IQCJ: variants seen among roughly 807,000 people sequenced by gnomAD.
IQCJ encodes IQ domain-containing protein J.
In IQCJ, 9 loss-of-function variants were observed where a neutral mutation model predicts 11.0. That is an observed-to-expected ratio of 0.82 (90% CI 0.49 to 1.43). The LOEUF (loss-of-function observed/expected upper bound fraction) is 1.43, where lower values mean the gene tolerates loss of function less well. Among genes scored for constraint, IQCJ ranks in the 40% most tolerant of loss-of-function variants. The pLI is 0.00. For missense variants in IQCJ, 146 were observed against 133.2 expected (o/e 1.10, Z -0.47); for synonymous variants, 55 against 51.3 (o/e 1.07, Z -0.31).
At chr3:159,088,909 G>T (rs973471041) in intron 1 of IQCJ, among the ~76,000 whole-genome samples, 1 of 151,992 alleles carries the variant, frequency 6.6e-6, no homozygotes, top group African/African-American at 2.4e-5. Flanking sequence ...GGAGCATTTA[G>T]TCCACTTACA....
chr3:159,120,397 C>T (rs1440175143), intron 1 of IQCJ, among the ~76,000 whole-genome samples: 1 of 152,196 alleles, frequency 6.6e-6, no homozygotes, highest in Non-Finnish European at 1.5e-5. Flanking sequence ...TTTCTTCCTA[C>T]ACAATCAGCT....
chr3:159,193,348 T>C (rs1723797021), intron 1 of IQCJ, among the ~76,000 whole-genome samples: 1 of 152,196 alleles, frequency 6.6e-6, no homozygotes, highest in Non-Finnish European at 1.5e-5. Flanking sequence ...GTACTGGCCT[T>C]GAAAGGTGTT....
intron 1 of IQCJ, among the ~76,000 whole-genome samples, chr3:159,138,686 A>G (rs919306579): frequency 8.5e-5 from 13 of 152,226 alleles, no homozygotes; most frequent in African/African-American, 3.1e-4. Context: ...TTACTGATTG[A>G]GTGAATATGT....
chr3:159,201,724 T>C (rs1239592335), intron 1 of IQCJ, among the ~76,000 whole-genome samples: 1 of 132,882 alleles, frequency 7.5e-6, no homozygotes, highest in Admixed American at 9.4e-5. Flanking sequence ...AAGCTCCGCC[T>C]CCCGGGTTCA....
chr3:159,161,837 C>T (rs375430210), intron 1 of IQCJ, among the ~76,000 whole-genome samples: 3 of 152,122 alleles, frequency 2.0e-5, no homozygotes, highest in African/African-American at 4.8e-5. Context: ...GATCAGATAG[C>T]TGTAGATATG....
intron 1 of IQCJ, among the ~76,000 whole-genome samples, chr3:159,229,029 A>G (rs1176554992): frequency 6.6e-6 from 1 of 152,220 alleles, no homozygotes; most frequent in African/African-American, 2.4e-5. Context: ...TCTAATCCAC[A>G]GTGGTGTTAT....
At chr3:159,195,999 T>C (rs79402920) in intron 1 of IQCJ, among the ~76,000 whole-genome samples, 1 of 152,312 alleles carries the variant, frequency 6.6e-6, no homozygotes, top group African/African-American at 2.4e-5. Context: ...TTCTAAGTTA[T>C]TTTCACACAT....
intron 3 of IQCJ, among the ~76,000 whole-genome samples, chr3:159,253,433 C>T (rs999995736): frequency 6.6e-6 from 1 of 152,022 alleles, no homozygotes. Context: ...AAAATATTAA[C>T]CTTCTAAAAC....
intron 1 of IQCJ, among the ~76,000 whole-genome samples, chr3:159,151,864 A>G (rs866208106): frequency 1.1e-4 from 16 of 152,228 alleles, no homozygotes; most frequent in African/African-American, 3.9e-4. Flanking sequence ...TCAATCTCCC[A>G]ACCTCGTGAT....
intron 1 of IQCJ, among the ~76,000 whole-genome samples, chr3:159,083,730 G>T (rs1473916781): frequency 6.6e-6 from 1 of 152,118 alleles, no homozygotes; most frequent in Non-Finnish European, 1.5e-5. Context: ...ATGTGTGACT[G>T]GTTAGTCAAA....
chr3:159,154,324 A>G (rs1721393997), intron 1 of IQCJ, among the ~76,000 whole-genome samples: 1 of 152,206 alleles, frequency 6.6e-6, no homozygotes, highest in African/African-American at 2.4e-5. Flanking sequence ...GGCCCAATCC[A>G]TGGACCCAAA....
intron 1 of IQCJ, among the ~76,000 whole-genome samples, chr3:159,207,420 A>G (rs1291078067): frequency 6.6e-6 from 1 of 152,228 alleles, no homozygotes; most frequent in African/African-American, 2.4e-5. Context: ...ATGAAAGTTA[A>G]GAGCTATAGC....
intron 1 of IQCJ, among the ~76,000 whole-genome samples, chr3:159,222,231 A>T (rs1374420108): frequency 6.6e-6 from 1 of 152,200 alleles, no homozygotes; most frequent in Admixed American, 6.5e-5. Context: ...AGTAGCCAAG[A>T]TACAGAAACA....
At chr3:159,163,141 T>A (rs1010225018) in intron 1 of IQCJ, among the ~76,000 whole-genome samples, 1 of 152,176 alleles carries the variant, frequency 6.6e-6, no homozygotes, top group African/African-American at 2.4e-5. Flanking sequence ...TTGAGACCAA[T>A]ATCCTTGATG....
At chr3:159,094,527 A>C (rs1447850165) in intron 1 of IQCJ, among the ~76,000 whole-genome samples, 1 of 146,090 alleles carries the variant, frequency 6.8e-6, no homozygotes, top group Non-Finnish European at 1.5e-5. Context: ...AAGTTTTAGG[A>C]GGACAGATAT....
chr3:159,234,135 G>T (rs1356241441), intron 1 of IQCJ, among the ~76,000 whole-genome samples: 2 of 152,094 alleles, frequency 1.3e-5, no homozygotes, highest in Non-Finnish European at 2.9e-5. Context: ...CCTCATTTCT[G>T]CTATAAGACC....
intron 1 of IQCJ, among the ~76,000 whole-genome samples, chr3:159,087,139 T>C (rs917653544): frequency 2.6e-5 from 4 of 152,222 alleles, no homozygotes; most frequent in South Asian, 2.1e-4. Context: ...GGTTGTTGAA[T>C]TTTGCCAAAG....
intron 1 of IQCJ, among the ~76,000 whole-genome samples, chr3:159,202,893 G>A (rs576719011): frequency 3.9e-5 from 6 of 152,172 alleles, no homozygotes; most frequent in African/African-American, 1.4e-4. Flanking sequence ...GCCTTTTGAG[G>A]AAAGGAGGGA....
intron 1 of IQCJ, among the ~76,000 whole-genome samples, chr3:159,077,016 T>C (rs1362013684): frequency 3.3e-5 from 5 of 152,172 alleles, no homozygotes; most frequent in African/African-American, 7.2e-5. Flanking sequence ...TAAGCCCCTC[T>C]TTTGAGATTT....
Sources: gnomAD v4.1 joint callset for allele counts (sites outside exome capture counted in the v4.1 genomes callset) on GRCh38, gnomAD v4.1.1 for gene constraint, MANE v1.5 for transcripts, NCBI Gene and HGNC (gene_info 2026-07-23, HGNC 2026-07-21) for gene names.